Variants in CC2D2A observed in about 807,000 individuals in gnomAD.
CC2D2A encodes the protein coiled-coil and C2 domain-containing protein 2A.
Under a neutral mutation model 212.9 loss-of-function variants are expected in CC2D2A, and 155 were observed. That is an observed-to-expected ratio of 0.73 (90% CI 0.64 to 0.83). The LOEUF (loss-of-function observed/expected upper bound fraction) is 0.83, where lower values mean the gene tolerates loss of function less well. Ranked by LOEUF, CC2D2A falls within the 40% of genes least tolerant of loss-of-function variation. The pLI is 0.00. For missense variants in CC2D2A, 1,856 were observed against 1,956.2 expected (o/e 0.95, Z 0.97); for synonymous variants, 667 against 686.5 (o/e 0.97, Z 0.44).
At chr4:15,585,524 G>A (rs1273188551) in intron 30 of CC2D2A, among the ~76,000 whole-genome samples, 2 of 152,130 alleles carry the variant, frequency 1.3e-5, no homozygotes, top group African/African-American at 2.4e-5. Flanking sequence ...CTGTTCAACA[G>A]GTGCAAAGTT....
intron 4 of CC2D2A, among the ~76,000 whole-genome samples, chr4:15,486,131 T>TA (rs1489934057): frequency 1.3e-5 from 2 of 152,108 alleles, no homozygotes; most frequent in African/African-American, 4.8e-5. Flanking sequence ...TTTTTGTTGT[T>TA]ATGTCTTTGT....
At position 15,537,963 on chromosome 4, in the gene CC2D2A, C is replaced by A; in HGVS notation, c.1829C>A (p.Pro610Gln). The change falls in exon 16 of 37, where the codon CCG becomes CAG. Residue 610 changes from proline (P) to glutamine (Q), a missense_variant. Physicochemically the swap from Pro to Gln is moderately conservative, Grantham distance 76. Coordinates refer to ENST00000424120, the MANE Select transcript of CC2D2A (RefSeq NM_001378615.1). ...EEHPGDEIAE[P>Q]YPEEDLVKPS... ...CATCCCGGTGATGAGATTGCAGAGC[C>A]GTATCCCGAGGAGGACCTTGTGAAG... 6.2e-7 allele frequency: 1 copy of A among 1,610,190 alleles called. No homozygotes were observed. The highest frequency in any genetic ancestry group is 1.1e-5 in the South Asian group (1 of 90,010).
intron 11 of CC2D2A, among the ~76,000 whole-genome samples, chr4:15,523,749 C>T (rs777690324): frequency 8.5e-5 from 13 of 152,312 alleles, no homozygotes; most frequent in Middle Eastern, 3.4e-3. Flanking sequence ...TCTGATTCTT[C>T]TTGAATACTG....
At chr4:15,534,713 A>G (rs1301363814) in intron 14 of CC2D2A, among the ~76,000 whole-genome samples, 58 of 152,212 alleles carry the variant, frequency 3.8e-4, no homozygotes, top group Admixed American at 3.8e-3. Flanking sequence ...ACAGCCAAAG[A>G]TAGCTACAAA....
rs188872923 is a variant in CC2D2A at position 15,594,581 on chromosome 4, G to C, written c.4315-1504G>C. ...AAAAGGACAAGCAGAAGCACACAAA[G>C]CCTCTTAAGGGTAGGCTCAGAAGCC... is the stretch of plus-strand genomic sequence containing the variant. On this transcript the variant is annotated intron_variant, in intron 33 of 36. Coordinates refer to ENST00000424120, the MANE Select transcript of CC2D2A (RefSeq NM_001378615.1). 2.0e-5 allele frequency among the ~76,000 whole-genome samples: 3 copies of C among 152,192 alleles called. No homozygotes were observed. The East Asian group carries it at 5.8e-4, about 30-fold the overall frequency.
rs1577360485 is a variant in CC2D2A, at chr4:15,540,822, G to A, written c.2004-15G>A. The A allele has an allele frequency of 1.9e-6, 3 of 1,588,426 alleles. No individual in the cohort carries two copies. The highest frequency in any genetic ancestry group is 1.2e-5 in the South Asian group (1 of 86,722). On this transcript the variant is annotated splice_polypyrimidine_tract_variant and intron_variant, in intron 16 of 36. Coordinates refer to ENST00000424120, the MANE Select transcript of CC2D2A (RefSeq NM_001378615.1). ...ATTATTACTAACTCCACCTGTGAAT[G>A]GTCTCCTTTTGCAGAGCGGAGGTCT...
chr4:15,480,379 T>A (rs1714548997), intron 3 of CC2D2A, among the ~76,000 whole-genome samples: 5 of 152,236 alleles, frequency 3.3e-5, no homozygotes, highest in Admixed American at 1.3e-4. Context: ...TTGCAAACTA[T>A]TTGAAGTTGG....
intron 4 of CC2D2A, chr4:15,481,343 T>A: frequency 2.7e-6 from 1 of 373,104 alleles, no homozygotes; most frequent in Admixed American, 3.4e-5. Context: ...ACCCCATCTC[T>A]ACTAAAAATA....
At chr4:15,523,830 G>A (rs1225717869) in intron 11 of CC2D2A, among the ~76,000 whole-genome samples, 1 of 152,164 alleles carries the variant, frequency 6.6e-6, no homozygotes, top group East Asian at 1.9e-4. Flanking sequence ...TCCTTTGATA[G>A]CCTAAGCTTA....
At chr4:15,493,510 C>T (rs993788977) in intron 4 of CC2D2A, among the ~76,000 whole-genome samples, 1 of 152,050 alleles carries the variant, frequency 6.6e-6, no homozygotes, top group Non-Finnish European at 1.5e-5. Flanking sequence ...TGAGCTCAAG[C>T]AATCTGCCTG....
At chr4:15,554,647 G>A (rs1363048316) in intron 19 of CC2D2A, among the ~76,000 whole-genome samples, 3 of 152,366 alleles carry the variant, frequency 2.0e-5, no homozygotes, top group African/African-American at 7.2e-5. Flanking sequence ...CTGCGCTCTA[G>A]CCTGGCCGAC....
chr4:15,519,235 G>A, intron 11 of CC2D2A: 2 of 346,434 alleles, frequency 5.8e-6, no homozygotes, highest in South Asian at 4.6e-5. Flanking sequence ...TAGGGCAGAG[G>A]CAAAATGACA....
Position 15,517,053 on chromosome 4 carries a change from T to C in CC2D2A, c.1149+297T>C, listed in dbSNP as rs547836353. Among the ~76,000 whole-genome samples the C allele has an allele frequency of 1.5e-4, 23 of 150,172 alleles. No individual in the cohort carries two copies. In the South Asian group the frequency reaches 5.0e-3, roughly 32 times the overall value. On this transcript the variant is annotated intron_variant, in intron 11 of 36. Transcript: ENST00000424120. ...GGCTCCGCCTCCCGGGTTCACGCCA[T>C]TCTCCTGCCTCAGCCTTTTGAGTAG...
At position 15,596,197 on chromosome 4, in the gene CC2D2A, C is replaced by CCAGT. The variant is rs1721314529; in HGVS notation, c.4428_4431dup (p.Val1478GlnfsTer5). On this transcript the variant is annotated frameshift_variant, in exon 34 of 37. Transcript: ENST00000424120. LOFTEE classifies it high-confidence loss of function. ...AGAAGCCTTCCATATCCTGGCCTTT[C>CCAGT]CAGTGTTCAGGTATAAATCTTTTAT... is the stretch of plus-strand genomic sequence containing the variant. 6.5e-7 allele frequency: 1 copy of CCAGT among 1,537,806 alleles called. No homozygotes were observed. The highest frequency in any genetic ancestry group is 8.8e-7 in the Non-Finnish European group (1 of 1,141,284).
chr4:15,515,782 A>C (rs1169158478), intron 9 of CC2D2A, 86 bp from the exon 10 acceptor site: 30 of 1,284,312 alleles, frequency 2.3e-5, no homozygotes, highest in Non-Finnish European at 3.1e-5. Context: ...CATAAATGAA[A>C]TCTCTGGTGA....
chr4:15,579,939 TA>T (rs1414540755), intron 29 of CC2D2A, 28 bp from the exon 30 acceptor site: 2 of 1,562,400 alleles, frequency 1.3e-6, no homozygotes, highest in South Asian at 2.2e-5. Context: ...TAATCATACA[TA>T]AACTCCATGA....
chr4:15,548,570 C>CAA (rs35130097), intron 17 of CC2D2A, among the ~76,000 whole-genome samples: 53 of 128,758 alleles, frequency 4.1e-4, no homozygotes, highest in East Asian at 1.3e-3. Flanking sequence ...TTAATTCTGG[C>CAA]AAAAAAAAAA....
chr4:15,536,730 G>A (rs1473497923), intron 14 of CC2D2A, among the ~76,000 whole-genome samples, 190 bp from the exon 15 acceptor site: 1 of 152,132 alleles, frequency 6.6e-6, no homozygotes, highest in South Asian at 2.1e-4. Context: ...TAACTTCTAT[G>A]TGCCTCTGTC....
Position 15,515,945 on chromosome 4 carries a change from C to T in CC2D2A, c.958C>T (p.Pro320Ser), listed in dbSNP as rs374098727. The T allele has an allele frequency of 6.4e-6, 10 of 1,573,618 alleles. No homozygotes were observed. The highest frequency in any genetic ancestry group is 1.2e-5 in the South Asian group (1 of 85,318). The part of the protein sequence containing the change: ...EDEGLYTGVR[P>S]EVARTNQNIM... The stretch of plus-strand genomic sequence containing the variant: ...TGAAGGCCTTTACACCGGGGTAAGA[C>T]CAGAGGTGGCACGCACCAATCAGAA... Residue 320 changes from proline (P) to serine (S), a missense_variant, in exon 10 of 37, where the codon CCA becomes TCA. Coordinates refer to ENST00000424120, the MANE Select transcript of CC2D2A (RefSeq NM_001378615.1).
Sources: gnomAD v4.1 joint callset for allele counts (sites outside exome capture counted in the v4.1 genomes callset) on GRCh38, gnomAD v4.1.1 for gene constraint, MANE v1.5 for transcripts, NCBI Gene and HGNC (gene_info 2026-07-23, HGNC 2026-07-21) for gene names.